Variants in UBASH3B observed in about 807,000 individuals in gnomAD.
The protein encoded by UBASH3B is ubiquitin-associated and SH3 domain-containing protein B.
UBASH3B carries 37 observed loss-of-function variants against 83.4 expected under a neutral mutation model. The ratio of observed to expected loss-of-function variants is 0.44; its 90% CI spans 0.34 to 0.58. The LOEUF is 0.58. UBASH3B is among the 20% of genes least tolerant of loss of function. The pLI is 0.01. For missense variants in UBASH3B, 657 were observed against 827.2 expected, an observed-to-expected ratio of 0.79 and a Z score of 2.52; for synonymous variants, 304 against 318.3, an observed-to-expected ratio of 0.96 and a Z score of 0.48.
At chr11:122,687,507 AG>A (rs1301061727) in intron 1 of UBASH3B, among the ~76,000 whole-genome samples, 16 of 152,170 alleles carry the variant, frequency 1.1e-4, no homozygotes, top group African/African-American at 3.6e-4. Context: ...GATGGAGAGC[AG>A]GTGTGTTGTA....
intron 1 of UBASH3B, among the ~76,000 whole-genome samples, chr11:122,680,110 C>T (rs938787582): frequency 2.6e-5 from 4 of 152,130 alleles, no homozygotes; most frequent in African/African-American, 7.2e-5. Flanking sequence ...GGATTACAGG[C>T]GTGAGCCACC....
chr11:122,809,637 C>T, intron 13 of UBASH3B, 112 bp from the exon 14 acceptor site: 1 of 1,102,336 alleles, frequency 9.1e-7, no homozygotes, highest in Non-Finnish European at 1.3e-6. Context: ...AAGCCACTAT[C>T]CATTTCTGAC....
chr11:122,735,083 T>C (rs1470293144), intron 1 of UBASH3B, among the ~76,000 whole-genome samples: 3 of 152,232 alleles, frequency 2.0e-5, no homozygotes, highest in Non-Finnish European at 2.9e-5. Context: ...GTCAGAGTTA[T>C]TTCAAATGTT....
In UBASH3B at chr11:122,759,016, A is replaced by G. The variant is rs1861327647; in HGVS notation, c.162-17203A>G. Among the ~76,000 whole-genome samples the G allele has an allele frequency of 6.6e-6, 1 of 152,154 alleles. No homozygotes were observed. The highest frequency in any genetic ancestry group is 1.5e-5 in the Non-Finnish European group (1 of 68,018). Reference sequence around the variant, plus strand: ...AAACACACATTTTCCCAGTTTCTGTAGGTCAGGAGCCCAGGCATGGCTTGA... The same window carrying G: ...AAACACACATTTTCCCAGTTTCTGTGGGTCAGGAGCCCAGGCATGGCTTGA... On this transcript the variant is annotated intron_variant, in intron 1 of 13. Transcript: ENST00000284273. This position sits in a 1 kb window ranked among gnomAD's most constrained non-coding sequence, Gnocchi z 4.1.
chr11:122,796,111 A>T (rs1009679008), intron 7 of UBASH3B, 45 bp from the exon 8 acceptor site: 4 of 1,608,266 alleles, frequency 2.5e-6, no homozygotes, highest in Non-Finnish European at 3.4e-6. Context: ...AGACATGTCC[A>T]CTTTGCCATG....
chr11:122,764,044 T>C (rs1350012869), intron 1 of UBASH3B, among the ~76,000 whole-genome samples: 1 of 152,150 alleles, frequency 6.6e-6, no homozygotes, highest in Non-Finnish European at 1.5e-5. Context: ...ACCAACTCTA[T>C]CGGGTACAGA....
intron 1 of UBASH3B, among the ~76,000 whole-genome samples, chr11:122,772,665 A>C (rs1860665693): frequency 6.6e-6 from 1 of 152,170 alleles, no homozygotes; most frequent in Non-Finnish European, 1.5e-5. Flanking sequence ...AAATCCTCCA[A>C]GCTGAGGGCA....
chr11:122,719,870 C>T (rs756301713), intron 1 of UBASH3B, among the ~76,000 whole-genome samples: 18 of 152,176 alleles, frequency 1.2e-4, no homozygotes, highest in Non-Finnish European at 2.1e-4. Flanking sequence ...TGGATGCAGG[C>T]GATCAGTCCT....
rs1214557071 is a variant in UBASH3B, at chr11:122,758,331, C to T, written c.162-17888C>T. 1.3e-5 allele frequency among the ~76,000 whole-genome samples: 2 copies of T among 152,206 alleles called. No homozygotes were observed. Among genetic ancestry groups the T allele is most frequent in the Admixed American group, 1.3e-4 (2 of 15,288 alleles). On this transcript the variant is annotated intron_variant, in intron 1 of 13. Coordinates refer to ENST00000284273, the MANE Select transcript of UBASH3B (RefSeq NM_032873.5). The surrounding 1 kb of genome is among the most constrained non-coding windows in gnomAD (Gnocchi z 4.2). Reference sequence around the variant, plus strand: ...CAGTAAATAATTTCAGGAAATTGAGCGTAACCTTTCTTAGCAGCTTAGCAG... The same window carrying T: ...CAGTAAATAATTTCAGGAAATTGAGTGTAACCTTTCTTAGCAGCTTAGCAG...
At chr11:122,668,796 G>A (rs1427572930) in intron 1 of UBASH3B, among the ~76,000 whole-genome samples, 2 of 152,184 alleles carry the variant, frequency 1.3e-5, no homozygotes, top group African/African-American at 2.4e-5. Context: ...CAACAATTGG[G>A]TCCTGGTACT....
At chr11:122,666,057 A>T (rs1224155004) in intron 1 of UBASH3B, among the ~76,000 whole-genome samples, 1 of 152,146 alleles carries the variant, frequency 6.6e-6, no homozygotes, top group Non-Finnish European at 1.5e-5. Context: ...TGAAAGAACC[A>T]CCGCTGTAGC....
Position 122,783,095 on chromosome 11 carries a change from TG to T in UBASH3B, c.646del (p.Ala216LeufsTer12), listed in dbSNP as rs761873729. On this transcript the variant is annotated frameshift_variant, in exon 5 of 14. Coordinates refer to ENST00000284273, the MANE Select transcript of UBASH3B (RefSeq NM_032873.5). LOFTEE classifies it high-confidence loss of function. Reference sequence around the variant, plus strand: ...CATAAGAAGCAGCTACATGTGACCCTGGCTTACCACTTCCAAGCCAGCCACC... The same window carrying T: ...CATAAGAAGCAGCTACATGTGACCCTGCTTACCACTTCCAAGCCAGCCACC... The part of the protein sequence containing the change: ...EPHKKQLHVT[L>X]AYHFQASHLP... The T allele has an allele frequency of 2.5e-6, 4 of 1,614,150 alleles. No individual in the cohort carries two copies. The highest frequency in any genetic ancestry group is 3.4e-6 in the Non-Finnish European group (4 of 1,180,006).
At chr11:122,683,128 A>T (rs11218753) in intron 1 of UBASH3B, among the ~76,000 whole-genome samples, 30,997 of 151,752 alleles carry the variant, frequency 0.2, 3,585 homozygotes, top group Non-Finnish European at 0.26. Context: ...GCATGCCTGT[A>T]GTCACAGCTA....
At chr11:122,780,919 A>G (rs1342286707) in intron 4 of UBASH3B, among the ~76,000 whole-genome samples, 1 of 152,242 alleles carries the variant, frequency 6.6e-6, no homozygotes, top group Admixed American at 6.5e-5. Flanking sequence ...GCAAGGCCGC[A>G]GTTTGCTCCT....
Position 122,777,061 on chromosome 11 carries a change from C to G in UBASH3B, c.253C>G (p.Pro85Ala). The change falls in exon 3 of 14, where the codon CCC (proline) becomes GCC (alanine). Residue 85 changes from proline (P) to alanine (A), a missense_variant. Pro to Ala is a conservative substitution (Grantham distance 27). Coordinates refer to ENST00000284273, the MANE Select transcript of UBASH3B (RefSeq NM_032873.5). Reference sequence around the variant, plus strand: ...TGTCGGTGACCCCTTCCTGGATGACCCCCTGCCCCGGGAGTACGTCCTCTA... The same window carrying G: ...TGTCGGTGACCCCTTCCTGGATGACGCCCTGCCCCGGGAGTACGTCCTCTA... Reference protein sequence around the residue: ...SHVGDPFLDDPLPREYVLYLR... With the variant: ...SHVGDPFLDDALPREYVLYLR... 2 of 1,613,276 alleles carry G rather than the reference C, an allele frequency of 1.2e-6. No homozygotes were observed. Among genetic ancestry groups the G allele is most frequent in the Non-Finnish European group, 1.7e-6 (2 of 1,179,654 alleles).
chr11:122,709,806 T>G (rs945150321), intron 1 of UBASH3B, among the ~76,000 whole-genome samples: 1 of 152,128 alleles, frequency 6.6e-6, no homozygotes, highest in Non-Finnish European at 1.5e-5. Context: ...AGCTCTAACC[T>G]GTTTTTGGTT....
chr11:122,716,260 C>T (rs943985109), intron 1 of UBASH3B, among the ~76,000 whole-genome samples: 5 of 152,262 alleles, frequency 3.3e-5, no homozygotes, highest in African/African-American at 1.2e-4. Flanking sequence ...GCGGCCCCAG[C>T]CTCCTGAGCT....
chr11:122,722,977 T>A (rs1030955388), intron 1 of UBASH3B, among the ~76,000 whole-genome samples: 3 of 152,184 alleles, frequency 2.0e-5, no homozygotes, highest in Admixed American at 1.3e-4. Context: ...AGTGCTGGGA[T>A]TACAGGCGTG....
chr11:122,769,264 C>T (rs1222218208), intron 1 of UBASH3B, among the ~76,000 whole-genome samples: 1 of 152,102 alleles, frequency 6.6e-6, no homozygotes, highest in Non-Finnish European at 1.5e-5. Context: ...AACCAGCTCC[C>T]GTGAAAACAA....
Sources: gnomAD v4.1 joint callset for allele counts (sites outside exome capture counted in the v4.1 genomes callset) on GRCh38, gnomAD v4.1.1 for gene constraint, Gnocchi (gnomAD v3.1) non-coding constraint, MANE v1.5 for transcripts, NCBI Gene and HGNC (gene_info 2026-07-23, HGNC 2026-07-21) for gene names.